MAPK10: variants seen among roughly 807,000 people sequenced by gnomAD.
MAPK10 encodes JNK3 alpha protein kinase.
A neutral mutation model predicts 59.3 loss-of-function variants in MAPK10; 25 were observed. The observed-to-expected ratio is 0.42, with a 90% confidence interval of 0.31 to 0.59. The LOEUF (loss-of-function observed/expected upper bound fraction) is 0.59. MAPK10 is among the 20% of genes least tolerant of loss of function. The pLI, the probability that MAPK10 is intolerant of heterozygous loss-of-function variation, is 0.15. For synonymous variants in MAPK10, 190 were observed against 200.5 expected, an observed-to-expected ratio of 0.95 and a Z score of 0.44; for missense variants, 351 against 568.9, an observed-to-expected ratio of 0.62 and a Z score of 3.90.
intron 3 of MAPK10, among the ~76,000 whole-genome samples, chr4:86,173,633 A>T (rs767185297): frequency 2.6e-5 from 4 of 152,218 alleles, no homozygotes; most frequent in Non-Finnish European, 5.9e-5. Flanking sequence ...GACAAGTGGG[A>T]TCTAATTAAA....
At chr4:86,436,307 GTTT>G (rs1406628416) in intron 1 of MAPK10, among the ~76,000 whole-genome samples, 1 of 152,078 alleles carries the variant, frequency 6.6e-6, no homozygotes, top group Non-Finnish European at 1.5e-5. Flanking sequence ...GTCATTTTAT[GTTT>G]TTATTGATTT....
At chr4:86,202,389 T>C (rs2082829448) in intron 2 of MAPK10, among the ~76,000 whole-genome samples, 2 of 151,894 alleles carry the variant, frequency 1.3e-5, no homozygotes, top group African/African-American at 2.4e-5. Context: ...TTCCATTCTA[T>C]TTAAGACCTT....
At chr4:86,139,231 C>A (rs1210407303) in intron 4 of MAPK10, among the ~76,000 whole-genome samples, 1 of 147,788 alleles carries the variant, frequency 6.8e-6, no homozygotes, top group Non-Finnish European at 1.5e-5. Flanking sequence ...CCAAGTCAAT[C>A]CTAAGCCAAA....
At chr4:86,268,586 T>C (rs1414584815) in intron 2 of MAPK10, 1 of 152,202 alleles carries the variant, frequency 6.6e-6, no homozygotes, top group Non-Finnish European at 1.5e-5. Flanking sequence ...TCTCTCACAC[T>C]GCCCTTCTTT....
chr4:86,474,535 G>A (rs972812263), intron 1 of MAPK10, among the ~76,000 whole-genome samples: 15 of 152,124 alleles, frequency 9.9e-5, no homozygotes, highest in Non-Finnish European at 1.3e-4. Flanking sequence ...AATTGTCTTT[G>A]GCAAAATACA....
intron 2 of MAPK10, among the ~76,000 whole-genome samples, chr4:86,206,094 T>C (rs1416827816): frequency 6.6e-6 from 1 of 152,008 alleles, no homozygotes; most frequent in African/African-American, 2.4e-5. Flanking sequence ...GTGCACAATG[T>C]GCAGGTTAGT....
intron 2 of MAPK10, among the ~76,000 whole-genome samples, chr4:86,337,619 A>G (rs1193814923): frequency 6.6e-6 from 1 of 152,220 alleles, no homozygotes; most frequent in African/African-American, 2.4e-5. Flanking sequence ...AGGAGGGACC[A>G]TGGCAAATAG....
intron 2 of MAPK10, chr4:86,219,672 T>C (rs2088924881): frequency 6.6e-6 from 1 of 152,158 alleles, no homozygotes; most frequent in Non-Finnish European, 1.5e-5. Flanking sequence ...ATTTATTTAA[T>C]GATAAGGTCA....
At chr4:86,508,769 C>G (rs971519729) in intron 1 of MAPK10, among the ~76,000 whole-genome samples, 2 of 152,186 alleles carry the variant, frequency 1.3e-5, no homozygotes, top group Non-Finnish European at 1.5e-5. Context: ...TCACCATGAT[C>G]TAAACCACCA....
At chr4:86,050,782 A>G (rs2043360489) in intron 11 of MAPK10, among the ~76,000 whole-genome samples, 1 of 152,142 alleles carries the variant, frequency 6.6e-6, no homozygotes, top group Admixed American at 6.6e-5. Context: ...CCTACCTCAG[A>G]AAAAGAAGTG....
intron 11 of MAPK10, among the ~76,000 whole-genome samples, chr4:86,045,516 G>A (rs751081666): frequency 6.6e-6 from 1 of 151,954 alleles, no homozygotes; most frequent in Non-Finnish European, 1.5e-5. Context: ...GATTACTACA[G>A]ATCTATCCTC....
In MAPK10 at chr4:86,107,228, T is replaced by C; in HGVS notation, c.361A>G (p.Lys121Glu). The part of the protein sequence containing the change: ...ELVLMKCVNH[K>E]NIISLLNVFT... Reference sequence around the variant, plus strand: ...TTAAAAATAACAAAACTCACGTTTTTATGGTTCACACACTTCATGAGGACC... The same window carrying C: ...TTAAAAATAACAAAACTCACGTTTTCATGGTTCACACACTTCATGAGGACC... Residue 121 changes from lysine to glutamate, a missense_variant, in exon 5 of 14, where the codon AAA becomes GAA. By Grantham distance (56) the Lys-to-Glu change is moderately conservative. This residue lies in a region of MAPK10 where 51 missense variants were observed against 72.7 expected (regional missense o/e 0.70). Transcript: ENST00000641462. The C allele has an allele frequency of 1.2e-6, 2 of 1,606,612 alleles. No homozygotes were observed. Among genetic ancestry groups the C allele is most frequent in the Non-Finnish European group, 1.7e-6 (2 of 1,177,576 alleles).
chr4:86,172,875 A>T (rs2074674439), intron 3 of MAPK10, among the ~76,000 whole-genome samples: 1 of 152,084 alleles, frequency 6.6e-6, no homozygotes, highest in Non-Finnish European at 1.5e-5. Context: ...AATTGCTACA[A>T]AGAGAATAAA....
At chr4:86,177,804 T>A (rs868109597) in intron 3 of MAPK10, among the ~76,000 whole-genome samples, 7 of 152,068 alleles carry the variant, frequency 4.6e-5, no homozygotes, top group Admixed American at 6.6e-5. Flanking sequence ...TGCCAAAAAG[T>A]AATAGTAAAT....
chr4:86,250,836 C>T (rs1002514085), intron 2 of MAPK10, among the ~76,000 whole-genome samples: 4 of 152,188 alleles, frequency 2.6e-5, no homozygotes, highest in Admixed American at 6.5e-5. Flanking sequence ...AGCTACAACA[C>T]AGCCAGGGGA....
upstream of MAPK10, among the ~76,000 whole-genome samples, chr4:86,457,539 G>T (rs1301281110): frequency 6.6e-6 from 1 of 152,044 alleles, no homozygotes; most frequent in Non-Finnish European, 1.5e-5. Flanking sequence ...ATCAAATCAA[G>T]AATTCAACCT....
intron 1 of MAPK10, among the ~76,000 whole-genome samples, chr4:86,391,429 C>T (rs1487109951): frequency 6.6e-6 from 1 of 152,158 alleles, no homozygotes; most frequent in Non-Finnish European, 1.5e-5. Context: ...TATCTACATG[C>T]AACGTTTTTA....
At chr4:86,351,714 C>G (rs1019939614) in intron 2 of MAPK10, among the ~76,000 whole-genome samples, 18 of 151,486 alleles carry the variant, frequency 1.2e-4, no homozygotes, top group Non-Finnish European at 2.5e-4. Context: ...TCCACTGTTC[C>G]TTAACTATGT....
At chr4:86,373,740 G>A (rs1182678074) in intron 1 of MAPK10, among the ~76,000 whole-genome samples, 2 of 152,114 alleles carry the variant, frequency 1.3e-5, no homozygotes, top group African/African-American at 4.8e-5. Context: ...GTGATCATGA[G>A]AAAGTCAGGA....
Sources: gnomAD v4.1 joint callset for allele counts (sites outside exome capture counted in the v4.1 genomes callset) on GRCh38, gnomAD v4.1.1 for gene constraint, gnomAD v4.1.1 regional missense constraint, MANE v1.5 for transcripts, NCBI Gene and HGNC (gene_info 2026-07-23, HGNC 2026-07-21) for gene names.